Variants in JARID2 observed in about 807,000 individuals in gnomAD.
JARID2 encodes protein Jumonji.
JARID2 carries 21 observed loss-of-function variants against 125.6 expected under a neutral mutation model. That is an observed-to-expected ratio of 0.17 (90% CI 0.12 to 0.24). JARID2 has a LOEUF of 0.24. JARID2 is among the 10% of genes least tolerant of loss of function. The pLI is 1.00. For missense variants in JARID2, 1,303 were observed against 1,639.6 expected (o/e 0.79, Z 3.55); for synonymous variants, 736 against 661.6 (o/e 1.11, Z -1.73).
At chr6:15,509,595 G>C (rs898768503) in intron 12 of JARID2, among the ~76,000 whole-genome samples, 6 of 152,252 alleles carry the variant, frequency 3.9e-5, no homozygotes, top group African/African-American at 1.2e-4. Flanking sequence ...GCTTAGCCGG[G>C]CCAGGCCACC....
At chr6:15,508,251 T>C (rs1004057414) in intron 11 of JARID2, 89 bp from the exon 12 acceptor site, 25 of 718,812 alleles carry the variant, frequency 3.5e-5, no homozygotes, top group Admixed American at 1.5e-4. Context: ...CTTCTTGTTT[T>C]AGCGGAAGAA....
At chr6:15,358,838 A>G (rs768790684) in intron 1 of JARID2, among the ~76,000 whole-genome samples, 1 of 152,214 alleles carries the variant, frequency 6.6e-6, no homozygotes, top group East Asian at 1.9e-4. Flanking sequence ...TTTTCATGCC[A>G]GGAGGCTGAT....
intron 3 of JARID2, among the ~76,000 whole-genome samples, chr6:15,434,467 GTTTA>G (rs1410178521): frequency 6.6e-6 from 1 of 152,084 alleles, no homozygotes; most frequent in Admixed American, 6.6e-5. Context: ...TGTCATCTTT[GTTTA>G]TTTTAACCAC....
At chr6:15,400,813 T>A in intron 2 of JARID2, 2 of 1,254,712 alleles carry the variant, frequency 1.6e-6, no homozygotes, top group Non-Finnish European at 1.0e-6. Flanking sequence ...CCGCGCGGAA[T>A]CTGCACTGCC....
At position 15,415,827 on chromosome 6, in the gene JARID2, C is replaced by CCCCCCACCT. The variant is rs1554134040; in HGVS notation, c.323+5466_323+5467insCACCTCCCC. Among the ~76,000 whole-genome samples, 24 of 135,742 alleles carry CCCCCCACCT rather than the reference C, an allele frequency of 1.8e-4. 1 individual carries two copies. The highest frequency in any genetic ancestry group is 1.2e-3 in the East Asian group (5 of 4,330). The allele number at this position is 135,742 out of a possible 152,430, so 89.1% of individuals were successfully genotyped here. The stretch of plus-strand genomic sequence containing the variant: ...CGGCTGGCCGGGCGGGGGGCTGACC[C>CCCCCCACCT]CCCCACCTCCCTCCCGGACGGGGCG... On this transcript the variant is annotated intron_variant, in intron 3 of 17. Transcript: ENST00000341776.
chr6:15,362,503 A>T (rs1303346895), intron 1 of JARID2, among the ~76,000 whole-genome samples: 3 of 152,234 alleles, frequency 2.0e-5, no homozygotes, highest in Non-Finnish European at 4.4e-5. Context: ...TTGTTTGGAC[A>T]CGGGGTCTGA....
chr6:15,332,964 C>T (rs1182744893), intron 1 of JARID2, among the ~76,000 whole-genome samples: 4 of 113,498 alleles, frequency 3.5e-5, no homozygotes, highest in Non-Finnish European at 5.0e-5. Context: ...TTTTTGGAGA[C>T]GGAGTCGCCC....
chr6:15,449,151 C>T (rs1224229308), intron 3 of JARID2, among the ~76,000 whole-genome samples: 3 of 152,092 alleles, frequency 2.0e-5, no homozygotes, highest in Admixed American at 6.6e-5. Context: ...TCTGGTCTGT[C>T]ATGACTTATA....
chr6:15,519,630 T>C (rs1771734819), intron 17 of JARID2, among the ~76,000 whole-genome samples: 1 of 152,156 alleles, frequency 6.6e-6, no homozygotes, highest in Non-Finnish European at 1.5e-5. Flanking sequence ...ATTACAAGGA[T>C]ATGTATAGGT....
At chr6:15,367,457 T>A (rs1200503662) in intron 1 of JARID2, among the ~76,000 whole-genome samples, 2 of 152,220 alleles carry the variant, frequency 1.3e-5, no homozygotes, top group East Asian at 3.8e-4. Flanking sequence ...ATATATTGTT[T>A]ACATGAAGCC....
rs764898582 is a variant in JARID2 at position 15,507,213 on chromosome 6, C to T, written c.2619C>T (p.His873=). The change falls in exon 10 of 18, where the codon CAC becomes CAT. Residue 873 remains histidine (H), a synonymous_variant. Coordinates refer to ENST00000341776, the MANE Select transcript of JARID2 (RefSeq NM_004973.4). ...GCGGCAAGGTGGACACCAACACTCA[C>T]GGCAGTGGATTCCCAGTAGGAAAAT... The part of the protein sequence containing the change: ...VHCGKVDTNT[H]GSGFPVGKSE... The T allele has an allele frequency of 6.9e-5, 111 of 1,613,734 alleles. 1 individual carries two copies. In the South Asian group the frequency reaches 8.3e-4, roughly 12 times the overall value.
At chr6:15,375,629 A>G (rs891335863) in intron 2 of JARID2, among the ~76,000 whole-genome samples, 1 of 152,224 alleles carries the variant, frequency 6.6e-6, no homozygotes, top group African/African-American at 2.4e-5. Flanking sequence ...GTAATACAGT[A>G]AACTAAAAAC....
At chr6:15,311,376 G>A (rs914745642) in intron 1 of JARID2, among the ~76,000 whole-genome samples, 2 of 152,148 alleles carry the variant, frequency 1.3e-5, no homozygotes, top group Non-Finnish European at 2.9e-5. Context: ...TTGGGAGTTC[G>A]AGACTAGCCT....
intron 14 of JARID2, 35 bp downstream of exon 14, chr6:15,512,425 C>G (rs746255393): frequency 2.6e-5 from 41 of 1,604,582 alleles, no homozygotes; most frequent in Non-Finnish European, 3.2e-5. Flanking sequence ...CTTGCTGCCC[C>G]CGCATCCCTG....
At chr6:15,352,220 A>G (rs534121101) in intron 1 of JARID2, among the ~76,000 whole-genome samples, 77 of 152,264 alleles carry the variant, frequency 5.1e-4, no homozygotes, top group Non-Finnish European at 9.0e-4. Flanking sequence ...AAAGGCTGCT[A>G]AAATCTGAGC....
chr6:15,290,796 A>G (rs1581375999), intron 1 of JARID2, among the ~76,000 whole-genome samples: 2 of 151,932 alleles, frequency 1.3e-5, no homozygotes, highest in South Asian at 2.1e-4. Flanking sequence ...TTTTTTTTGT[A>G]TTTTTAGTAG....
rs796564321 is a variant in JARID2 at position 15,365,791 on chromosome 6, C to G, written c.46-8326C>G. On this transcript the variant is annotated intron_variant, in intron 1 of 17. Transcript: ENST00000341776. Reference sequence around the variant, plus strand: ...CTTTGAAGTGCTTTTAATTTAAACCCTAGGCAAGGGAACATCATTCACAAG... The same window carrying G: ...CTTTGAAGTGCTTTTAATTTAAACCGTAGGCAAGGGAACATCATTCACAAG... Among the ~76,000 whole-genome samples the G allele has an allele frequency of 3.9e-5, 6 of 152,212 alleles. No individual in the cohort carries two copies. In the South Asian group the frequency reaches 1.0e-3, roughly 26 times the overall value.
chr6:15,340,927 G>A (rs781377242), intron 1 of JARID2, among the ~76,000 whole-genome samples: 1 of 152,148 alleles, frequency 6.6e-6, no homozygotes, highest in Non-Finnish European at 1.5e-5. Flanking sequence ...TCTCTGCATA[G>A]TAATTTAAAC....
At chr6:15,440,191 G>C (rs1390875690) in intron 3 of JARID2, among the ~76,000 whole-genome samples, 2 of 152,196 alleles carry the variant, frequency 1.3e-5, no homozygotes, top group Non-Finnish European at 2.9e-5. Context: ...CTCATCTGTT[G>C]TCCACTGCCG....
Sources: allele counts gnomAD v4.1 joint callset (sites outside exome capture counted in the v4.1 genomes callset), GRCh38; gene constraint gnomAD v4.1.1; transcripts MANE v1.5; gene names NCBI Gene and HGNC (gene_info 2026-07-23, HGNC 2026-07-21).